PAK1: variants seen among roughly 807,000 people sequenced by gnomAD.
The protein encoded by PAK1 is p21 (RAC1) activated kinase 1.
In PAK1, 29 loss-of-function variants were observed where a neutral mutation model predicts 67.4. The observed-to-expected ratio is 0.43, with a 90% confidence interval of 0.32 to 0.59. The LOEUF is 0.59. Among genes scored for constraint, PAK1 ranks in the 20% least tolerant of loss-of-function variants. The pLI is 0.07. For missense variants in PAK1, 337 were observed against 670.7 expected (o/e 0.50, Z 5.50); for synonymous variants, 223 against 237.4 (o/e 0.94, Z 0.56).
chr11:77,341,918 G>A (rs940136351), intron 10 of PAK1, among the ~76,000 whole-genome samples: 2 of 152,140 alleles, frequency 1.3e-5, no homozygotes, highest in Non-Finnish European at 2.9e-5. Context: ...TTAATGTCCT[G>A]ACTAATAAAC....
intron 1 of PAK1, among the ~76,000 whole-genome samples, chr11:77,446,344 T>A (rs1956599995): frequency 6.6e-6 from 1 of 151,696 alleles, no homozygotes; most frequent in Non-Finnish European, 1.5e-5. Flanking sequence ...AAACCCTGAA[T>A]CTACTAAAAA....
the PAK1 span, among the ~76,000 whole-genome samples, chr11:77,513,670 C>CAAAAAAAAAAA: frequency 1.9e-5 from 1 of 52,928 alleles, no homozygotes; most frequent in African/African-American, 8.1e-5. Context: ...GACTCTGTCT[C>CAAAAAAAAAAA]AAAAAAAAAA....
the PAK1 span, among the ~76,000 whole-genome samples, chr11:77,485,483 T>A: frequency 8.3e-4 from 97 of 117,082 alleles, no homozygotes; most frequent in African/African-American, 3.1e-3. Flanking sequence ...TAAAAAAAAA[T>A]TTTTTTTTTG....
intron 1 of PAK1, among the ~76,000 whole-genome samples, chr11:77,446,005 C>T (rs1205471694): frequency 6.6e-6 from 1 of 152,178 alleles, no homozygotes; most frequent in Non-Finnish European, 1.5e-5. Context: ...AGTACATGCT[C>T]AATCAACAGT....
chr11:77,366,869 G>C (rs903023922), intron 5 of PAK1, among the ~76,000 whole-genome samples: 3 of 152,112 alleles, frequency 2.0e-5, no homozygotes, highest in African/African-American at 7.2e-5. Context: ...GAAGAAATGA[G>C]ACCACACAAA....
chr11:77,358,642 G>A (rs770395810), intron 6 of PAK1, among the ~76,000 whole-genome samples: 2 of 152,042 alleles, frequency 1.3e-5, no homozygotes, highest in Non-Finnish European at 2.9e-5. Flanking sequence ...GTGGAGAACC[G>A]AGACTGGACT....
At chr11:77,431,331 A>G (rs370517108) in intron 1 of PAK1, among the ~76,000 whole-genome samples, 6 of 152,210 alleles carry the variant, frequency 3.9e-5, no homozygotes, top group Non-Finnish European at 8.8e-5. Context: ...TTTATGTCTC[A>G]TATCAACCCT....
chr11:77,517,236 G>A, the PAK1 span, among the ~76,000 whole-genome samples: 3 of 152,062 alleles, frequency 2.0e-5, no homozygotes, highest in African/African-American at 4.8e-5. Flanking sequence ...TTAGCACTCA[G>A]TGGAAAAAGA....
At chr11:77,509,492 C>T in the PAK1 span, among the ~76,000 whole-genome samples, 1 of 152,128 alleles carries the variant, frequency 6.6e-6, no homozygotes, top group Non-Finnish European at 1.5e-5. Context: ...AAATTTGTCT[C>T]CCAGGCCAAT....
intron 1 of PAK1, among the ~76,000 whole-genome samples, chr11:77,448,410 A>G (rs1345591191): frequency 6.6e-6 from 1 of 152,246 alleles, no homozygotes; most frequent in African/African-American, 2.4e-5. Flanking sequence ...AAATTACATT[A>G]ATTACAATAC....
chr11:77,453,115 G>A (rs1229392775), intron 1 of PAK1, among the ~76,000 whole-genome samples: 1 of 152,216 alleles, frequency 6.6e-6, no homozygotes, highest in Non-Finnish European at 1.5e-5. Flanking sequence ...AGCACTTCAG[G>A]AGGCCGAGGC....
chr11:77,416,689 G>C (rs371838091), intron 1 of PAK1, among the ~76,000 whole-genome samples: 32 of 152,234 alleles, frequency 2.1e-4, no homozygotes, highest in East Asian at 9.7e-4. Flanking sequence ...TGCTGTGGCT[G>C]ACGCCTGTAA....
chr11:77,529,248 T>A, the PAK1 span, among the ~76,000 whole-genome samples: 6 of 152,236 alleles, frequency 3.9e-5, no homozygotes, highest in African/African-American at 1.2e-4. Flanking sequence ...TTCTGCCACC[T>A]CATAAGGCCC....
chr11:77,380,091 G>GC, intron 2 of PAK1, 97 bp from the exon 3 acceptor site: 1 of 791,816 alleles, frequency 1.3e-6, no homozygotes, highest in East Asian at 2.6e-5. Context: ...CCTTGAGAGG[G>GC]CAAAGTCTAT....
At chr11:77,470,840 T>C (rs930013598) in intron 1 of PAK1, among the ~76,000 whole-genome samples, 21 of 152,148 alleles carry the variant, frequency 1.4e-4, no homozygotes, top group African/African-American at 4.8e-4. Flanking sequence ...AGTTTTCAGG[T>C]GGTGGTTAAA....
intron 1 of PAK1, among the ~76,000 whole-genome samples, chr11:77,437,331 T>C (rs1435789762): frequency 6.6e-6 from 1 of 152,220 alleles, no homozygotes. Context: ...TAACCTTACT[T>C]TCCTTCAATT....
chr11:77,381,011 CA>C (rs1301303867), intron 2 of PAK1, among the ~76,000 whole-genome samples: 1 of 152,070 alleles, frequency 6.6e-6, no homozygotes, highest in Non-Finnish European at 1.5e-5. Flanking sequence ...ACACACTAAC[CA>C]AAAGAAATTC....
chr11:77,513,457 G>A, the PAK1 span, among the ~76,000 whole-genome samples: 6 of 151,856 alleles, frequency 4.0e-5, no homozygotes, highest in Non-Finnish European at 8.8e-5. Flanking sequence ...TCAACTTGAG[G>A]CCAGTAGTTC....
the PAK1 span, among the ~76,000 whole-genome samples, chr11:77,486,932 C>T: frequency 4.6e-5 from 7 of 152,162 alleles, no homozygotes; most frequent in Admixed American, 2.6e-4. Context: ...AGCCAGTGGA[C>T]TTAGGGGTTA....
Sources: gnomAD v4.1 joint callset for allele counts (sites outside exome capture counted in the v4.1 genomes callset) on GRCh38, gnomAD v4.1.1 for gene constraint, MANE v1.5 for transcripts, NCBI Gene and HGNC (gene_info 2026-07-23, HGNC 2026-07-21) for gene names.